Variants in USP34 observed in about 807,000 individuals in gnomAD.
The protein encoded by USP34 is ubiquitin carboxyl-terminal hydrolase 34.
In USP34, 70 loss-of-function variants were observed where a neutral mutation model predicts 460.3. That is an observed-to-expected ratio of 0.15 (90% confidence interval 0.13 to 0.19). USP34 has a LOEUF of 0.19. Among genes scored for constraint, USP34 ranks in the 10% least tolerant of loss-of-function variants. The pLI is 1.00. For missense variants in USP34, 3,985 were observed against 4,236.2 expected, an observed-to-expected ratio of 0.94 and a Z score of 1.65; for synonymous variants, 1,647 against 1,405.3, an observed-to-expected ratio of 1.17 and a Z score of -3.85.
At chr2:61,222,040 C>T (rs1273275249) in intron 65 of USP34, among the ~76,000 whole-genome samples, 1 of 152,142 alleles carries the variant, frequency 6.6e-6, no homozygotes, top group Non-Finnish European at 1.5e-5. Context: ...GTAGTCGCTA[C>T]ATTGCACAAC....
chr2:61,355,064 T>C (rs1255493218), intron 10 of USP34, among the ~76,000 whole-genome samples: 1 of 152,204 alleles, frequency 6.6e-6, no homozygotes, highest in Non-Finnish European at 1.5e-5. Flanking sequence ...AGCAATGAAT[T>C]ATCCCTGTGT....
chr2:61,397,806 G>T (rs1296027312), intron 3 of USP34, among the ~76,000 whole-genome samples: 1 of 152,098 alleles, frequency 6.6e-6, no homozygotes, highest in African/African-American at 2.4e-5. Context: ...GGCTGAGGCA[G>T]TAGAACTGCC....
chr2:61,377,630 G>A (rs1172685298), intron 8 of USP34, among the ~76,000 whole-genome samples: 1 of 152,040 alleles, frequency 6.6e-6, no homozygotes, highest in East Asian at 1.9e-4. Context: ...CAGTCCAGAA[G>A]AAGGACCCCA....
At chr2:61,318,295 T>C (rs1265623201) in intron 22 of USP34, among the ~76,000 whole-genome samples, 1 of 152,102 alleles carries the variant, frequency 6.6e-6, no homozygotes, top group African/African-American at 2.4e-5. Context: ...AAGATGTACA[T>C]AGACCCAAAT....
chr2:61,327,320 T>C (rs1271785006), intron 20 of USP34, among the ~76,000 whole-genome samples: 1 of 152,154 alleles, frequency 6.6e-6, no homozygotes, highest in Non-Finnish European at 1.5e-5. Context: ...TTTGTGAAAG[T>C]GAAAATACAT....
At chr2:61,312,268 A>G (rs993772247) in intron 25 of USP34, among the ~76,000 whole-genome samples, 1 of 151,998 alleles carries the variant, frequency 6.6e-6, no homozygotes, top group Non-Finnish European at 1.5e-5. Context: ...GCAAGCTGTG[A>G]TTCCTGCATT....
Position 61,371,416 on chromosome 2 carries a change from G to A in USP34, c.1077-837C>T, listed in dbSNP as rs1437213156. Reference sequence around the variant, plus strand: ...AAAAGGCACAGTCAGCATGGGAGATGACAGCTCCATGTGTATTATTAAAAA... The same window carrying A: ...AAAAGGCACAGTCAGCATGGGAGATAACAGCTCCATGTGTATTATTAAAAA... On this transcript the variant is annotated intron_variant, in intron 8 of 79. Coordinates refer to ENST00000398571, the MANE Select transcript of USP34 (RefSeq NM_014709.4). 2.0e-5 allele frequency among the ~76,000 whole-genome samples: 3 copies of A among 147,194 alleles called. No individual in the cohort carries two copies. The Admixed American group carries it at 2.1e-4, about 10-fold the overall frequency.
chr2:61,265,594 AC>A, intron 42 of USP34, 37 bp from the exon 43 acceptor site: 1 of 1,569,052 alleles, frequency 6.4e-7, no homozygotes, highest in Non-Finnish European at 8.7e-7. Flanking sequence ...TCCCCCCCAA[AC>A]AAACTATGAA....
At chr2:61,250,400 C>T in intron 48 of USP34, 1 of 157,496 alleles carries the variant, frequency 6.3e-6, no homozygotes. Flanking sequence ...CTTTTTACAA[C>T]AATCCTATAA....
intron 5 of USP34, among the ~76,000 whole-genome samples, chr2:61,386,284 CAACAAAAGTAG>C (rs1693142640): frequency 6.6e-6 from 1 of 151,984 alleles, no homozygotes; most frequent in Non-Finnish European, 1.5e-5. Context: ...CTAACCTGTG[CAACAAAAGTAG>C]AACTACAGAA....
At chr2:61,312,023 C>A in intron 25 of USP34, 113 bp from the exon 26 acceptor site, 1 of 1,306,612 alleles carries the variant, frequency 7.7e-7, no homozygotes. Context: ...GTTCTAAGTT[C>A]ATTCCAATGT....
chr2:61,411,228 C>G (rs1027591814), intron 2 of USP34, among the ~76,000 whole-genome samples: 1 of 151,276 alleles, frequency 6.6e-6, no homozygotes, highest in Non-Finnish European at 1.5e-5. Flanking sequence ...CAAAAAAAAA[C>G]AAAGTTAGGC....
At chr2:61,292,580 G>A (rs1381726050) in intron 33 of USP34, among the ~76,000 whole-genome samples, 1 of 152,134 alleles carries the variant, frequency 6.6e-6, no homozygotes, top group African/African-American at 2.4e-5. Flanking sequence ...TAGCTGATGA[G>A]CTAACAAATT....
At chr2:61,256,187 A>T (rs1688719673) in intron 48 of USP34, among the ~76,000 whole-genome samples, 197 bp downstream of exon 48, 1 of 152,188 alleles carries the variant, frequency 6.6e-6, no homozygotes. Context: ...TACCACTTTC[A>T]TACAGCTCAG....
chr2:61,389,919 A>G (rs1693290582), intron 5 of USP34, among the ~76,000 whole-genome samples: 1 of 152,098 alleles, frequency 6.6e-6, no homozygotes, highest in Non-Finnish European at 1.5e-5. Context: ...TCTGCATCAA[A>G]CCTAGTTCTG....
At chr2:61,459,717 C>T (rs1695545536) in intron 1 of USP34, among the ~76,000 whole-genome samples, 1 of 150,436 alleles carries the variant, frequency 6.6e-6, no homozygotes, top group African/African-American at 2.5e-5. Context: ...GCGAAGGCTG[C>T]AGTGAGCTGA....
chr2:61,222,964 T>C, intron 64 of USP34, 96 bp downstream of exon 64: 1 of 1,124,400 alleles, frequency 8.9e-7, no homozygotes. Flanking sequence ...CCCAAAGTGC[T>C]GGGATTACAG....
chr2:61,385,821 G>A (rs1410633127), intron 5 of USP34, among the ~76,000 whole-genome samples: 3 of 151,114 alleles, frequency 2.0e-5, no homozygotes, highest in Admixed American at 1.3e-4. Flanking sequence ...TGGTGAAACT[G>A]TTTCTACTGA....
chr2:61,384,843 A>C (rs1182106276), intron 5 of USP34, among the ~76,000 whole-genome samples: 3 of 152,122 alleles, frequency 2.0e-5, no homozygotes, highest in Non-Finnish European at 2.9e-5. Flanking sequence ...AGGAAGCCTC[A>C]ATTCCACTTG....
Sources: allele counts gnomAD v4.1 joint callset (sites outside exome capture counted in the v4.1 genomes callset), GRCh38; gene constraint gnomAD v4.1.1; transcripts MANE v1.5; gene names NCBI Gene and HGNC (gene_info 2026-07-23, HGNC 2026-07-21).